The following GABRA3 variants were observed in gnomAD, a reference collection of about 807,000 sequenced individuals.
The protein encoded by GABRA3 is gamma-aminobutyric acid type A receptor subunit alpha3, also known as gamma-aminobutyric acid receptor subunit alpha-3.
A neutral mutation model predicts 30.1 loss-of-function variants in GABRA3; 10 were observed. The ratio of observed to expected loss-of-function variants is 0.33; its 90% CI spans 0.20 to 0.56. GABRA3 has a LOEUF of 0.56. GABRA3 is among the 20% of genes least tolerant of loss of function. GABRA3 has a pLI of 0.89. For synonymous variants in GABRA3, 151 were observed against 146.8 expected (o/e 1.03, Z -0.21); for missense variants, 233 against 392.0 (o/e 0.59, Z 3.42).
chrX:152,314,900 C>A lies in GABRA3; in HGVS notation c.263-30165G>T, dbSNP rs182299088. ...TTGGCCATTTTATTTACCAAGCTAA[C>A]CTCTACATTAAGTACAATGGTTGGC... On this transcript the variant is annotated intron_variant, in intron 3 of 9. Coordinates refer to ENST00000370314, the MANE Select transcript of GABRA3 (RefSeq NM_000808.4). 7.4e-3 allele frequency among the ~76,000 whole-genome samples: 831 copies of A among 111,790 alleles called. 2 individuals carry two copies. Among genetic ancestry groups the A allele is most frequent in the South Asian group, 0.025 (65 of 2,648 alleles).
intron 3 of GABRA3, among the ~76,000 whole-genome samples, chrX:152,320,367 C>T (rs1232062909): frequency 8.9e-6 from 1 of 111,784 alleles, no homozygotes; most frequent in Non-Finnish European, 1.9e-5. Flanking sequence ...GTCGTATATA[C>T]ATATACTATG....
At chrX:152,199,100 AGCCTG>A (rs1188750867) in intron 7 of GABRA3, among the ~76,000 whole-genome samples, 4 of 109,907 alleles carry the variant, frequency 3.6e-5, no homozygotes, top group Admixed American at 1.0e-4. Flanking sequence ...CGGTGGCTCA[AGCCTG>A]CCTGTAATCC....
intron 9 of GABRA3, among the ~76,000 whole-genome samples, chrX:152,170,694 G>T (rs981835459): frequency 1.8e-5 from 2 of 111,916 alleles, no homozygotes; most frequent in African/African-American, 6.5e-5. Context: ...TGCAGAAACT[G>T]AGGCTGTGTA....
intron 1 of GABRA3, among the ~76,000 whole-genome samples, chrX:152,432,713 T>A (rs1369436525): frequency 9.0e-6 from 1 of 111,567 alleles, no homozygotes; most frequent in Non-Finnish European, 1.9e-5. Context: ...TTAATTCTTA[T>A]CTTCTGCAAA....
At chrX:152,232,845 C>T (rs144336670) in intron 5 of GABRA3, among the ~76,000 whole-genome samples, 274 of 110,551 alleles carry the variant, frequency 2.5e-3, no homozygotes, top group African/African-American at 8.6e-3. Flanking sequence ...AGCGAGACTA[C>T]TGAAACAAAT....
chrX:152,204,316 A>C (rs1438518135), intron 7 of GABRA3, among the ~76,000 whole-genome samples: 1 of 110,984 alleles, frequency 9.0e-6, no homozygotes, highest in Non-Finnish European at 1.9e-5. Context: ...TTGATTTTTA[A>C]ATTTTCTTTT....
intron 2 of GABRA3, among the ~76,000 whole-genome samples, chrX:152,359,451 T>C (rs933666838): frequency 5.4e-5 from 6 of 111,897 alleles, no homozygotes; most frequent in Non-Finnish European, 1.1e-4. Context: ...TCTCTTTTTT[T>C]CTGTATTAGA....
intron 1 of GABRA3, among the ~76,000 whole-genome samples, chrX:152,427,258 C>T (rs1432925281): frequency 9.0e-6 from 1 of 111,718 alleles, no homozygotes; most frequent in Non-Finnish European, 1.9e-5. Flanking sequence ...TTAATGACTC[C>T]TCTATGACCT....
intron 1 of GABRA3, among the ~76,000 whole-genome samples, chrX:152,441,557 G>T (rs1326068736): frequency 8.9e-6 from 1 of 111,801 alleles, no homozygotes; most frequent in African/African-American, 3.2e-5. Flanking sequence ...AAAGTGGTGT[G>T]AGTGTGGATG....
At chrX:152,301,842 G>T (rs1939637313) in intron 3 of GABRA3, among the ~76,000 whole-genome samples, 1 of 111,259 alleles carries the variant, frequency 9.0e-6, no homozygotes, top group Admixed American at 9.6e-5. Flanking sequence ...ATCTTGTGTG[G>T]TTTTTAATGA....
At chrX:152,448,236 A>G (rs6627594) in intron 1 of GABRA3, among the ~76,000 whole-genome samples, 45,565 of 110,839 alleles carry the variant, frequency 0.41, 6,799 homozygotes, top group East Asian at 0.65. Context: ...GATTGCTAAA[A>G]TGCAAAATCC....
intron 2 of GABRA3, among the ~76,000 whole-genome samples, chrX:152,359,084 G>C (rs1329220989): frequency 9.0e-6 from 1 of 111,667 alleles, no homozygotes; most frequent in African/African-American, 3.3e-5. Flanking sequence ...AATGAGTTAG[G>C]GAGGAGTCCT....
intron 5 of GABRA3, among the ~76,000 whole-genome samples, chrX:152,236,746 T>G (rs1160230565): frequency 6.9e-4 from 70 of 101,290 alleles, no homozygotes; most frequent in African/African-American, 1.5e-3. Flanking sequence ...TGATGGCCAG[T>G]GATGATGAGC....
chrX:152,373,502 C>G (rs1422681322), intron 1 of GABRA3, among the ~76,000 whole-genome samples: 1 of 112,215 alleles, frequency 8.9e-6, no homozygotes, highest in East Asian at 2.8e-4. Flanking sequence ...TTCCCATCAG[C>G]AGTGTAAAAG....
At chrX:152,308,546 C>T (rs1338256237) in intron 3 of GABRA3, among the ~76,000 whole-genome samples, 1 of 112,156 alleles carries the variant, frequency 8.9e-6, no homozygotes, top group Non-Finnish European at 1.9e-5. Context: ...TAAGCCTTGG[C>T]TACCTGAAAT....
At chrX:152,271,742 T>A (rs1370712526) in intron 4 of GABRA3, among the ~76,000 whole-genome samples, 3 of 111,670 alleles carry the variant, frequency 2.7e-5, no homozygotes, top group Non-Finnish European at 5.7e-5. Context: ...GAAAAATGGT[T>A]TCCTGGACCA....
chrX:152,319,878 G>GA (rs890746252), intron 3 of GABRA3, among the ~76,000 whole-genome samples: 57 of 110,108 alleles, frequency 5.2e-4, no homozygotes, highest in African/African-American at 1.8e-3. Context: ...AAAATAGCAA[G>GA]AAAAAAACAA....
intron 5 of GABRA3, among the ~76,000 whole-genome samples, chrX:152,231,137 A>G (rs1234308017): frequency 1.1e-5 from 1 of 92,205 alleles, no homozygotes; most frequent in Non-Finnish European, 2.0e-5. Flanking sequence ...CAAAAATGAG[A>G]AGTGTATATA....
At chrX:152,298,272 C>T (rs1003604029) in intron 3 of GABRA3, among the ~76,000 whole-genome samples, 9 of 110,831 alleles carry the variant, frequency 8.1e-5, no homozygotes, top group East Asian at 2.8e-4. Context: ...ATGTGCACAA[C>T]GTGCAGGTTA....
Sources: allele counts gnomAD v4.1 joint callset (sites outside exome capture counted in the v4.1 genomes callset), GRCh38; gene constraint gnomAD v4.1.1; transcripts MANE v1.5; gene names NCBI Gene and HGNC (gene_info 2026-07-23, HGNC 2026-07-21).